The following STK11IP variants were observed in gnomAD, a reference collection of about 807,000 sequenced individuals.
STK11IP encodes serine/threonine kinase 11 interacting protein.
In STK11IP, 103 loss-of-function variants were observed where a neutral mutation model predicts 131.7. The ratio of observed to expected loss-of-function variants is 0.78; its 90% CI spans 0.67 to 0.92. The LOEUF is 0.92. Ranked by LOEUF, STK11IP falls within the 40% of genes least tolerant of loss-of-function variation. The probability of loss-of-function intolerance (pLI) is 0.00; values close to 1 mark genes in which losing one functional copy is unlikely to be tolerated. For synonymous variants in STK11IP, 557 were observed against 575.6 expected (o/e 0.97, Z 0.46); for missense variants, 1,315 against 1,385.7 (o/e 0.95, Z 0.81).
At chr2:219,614,273 G>C (rs751314279) in intron 22 of STK11IP, 31 bp downstream of exon 22, 2 of 1,609,550 alleles carry the variant, frequency 1.2e-6, no homozygotes, top group Non-Finnish European at 1.7e-6. Flanking sequence ...GGCTGGGGTT[G>C]CTGCCCAATC....
chr2:219,614,353 A>G (rs1698504594), intron 22 of STK11IP, 111 bp downstream of exon 22: 2 of 1,510,102 alleles, frequency 1.3e-6, no homozygotes, highest in East Asian at 2.3e-5. Flanking sequence ...TCCTCATGCC[A>G]TGCCCCTTAT....
chr2:219,603,204 G>C (rs977137344), intron 7 of STK11IP, among the ~76,000 whole-genome samples: 2 of 152,000 alleles, frequency 1.3e-5, no homozygotes, highest in Non-Finnish European at 2.9e-5. Context: ...AACACACCTG[G>C]CTAATTTTTG....
chr2:219,614,011 A>G (rs1698495366), intron 21 of STK11IP, 81 bp downstream of exon 21: 4 of 1,500,592 alleles, frequency 2.7e-6, no homozygotes, highest in Middle Eastern at 1.8e-4. Flanking sequence ...CCTGGTACCC[A>G]GTAGCGGAGA....
rs768132936 is a variant in STK11IP at position 219,614,663 on chromosome 2, C to G, written c.2869+117C>G. ...TGCAGCAACTGTCAGTTCCTGGAAC[C>G]TGGAGAACCTCTCACTTGAGGGCAT... On this transcript the variant is annotated intron_variant, in intron 23 of 24. Coordinates refer to ENST00000456909, the MANE Select transcript of STK11IP (RefSeq NM_052902.4). The G allele has an allele frequency of 7.6e-6, 8 of 1,046,514 alleles. No individual in the cohort carries two copies. In the East Asian group the frequency reaches 1.8e-4, roughly 23 times the overall value. 64.8% of individuals were successfully genotyped at this position (1,046,514 alleles called of 1,614,324 possible).
At chr2:219,603,491 G>A (rs369251477) in intron 7 of STK11IP, among the ~76,000 whole-genome samples, 3 of 151,810 alleles carry the variant, frequency 2.0e-5, no homozygotes, top group Admixed American at 6.6e-5. Flanking sequence ...AGATAAAGCC[G>A]AACTAGTTAA....
chr2:219,601,927 G>A (rs1020096370), intron 4 of STK11IP, 61 bp from the exon 5 acceptor site: 4 of 1,448,814 alleles, frequency 2.8e-6, no homozygotes, highest in Admixed American at 3.8e-5. Context: ...CTAGGGGATG[G>A]GGATGAGGTC....
chr2:219,611,842 T>C lies in STK11IP; in HGVS notation c.2335+8T>C. 3 of 1,607,546 alleles carry C rather than the reference T, an allele frequency of 1.9e-6. No homozygotes were observed. The highest frequency in any genetic ancestry group is 2.5e-6 in the Non-Finnish European group (3 of 1,177,220). On this transcript the variant is annotated splice_region_variant and intron_variant, in intron 18 of 24. Transcript: ENST00000456909. Reference sequence around the variant, plus strand: ...GTTGGAGCCTCAGTCCCCGTGAGTATAGGCAAAACAAGACATAGATGAGTT... The same window carrying C: ...GTTGGAGCCTCAGTCCCCGTGAGTACAGGCAAAACAAGACATAGATGAGTT...
At chr2:219,615,369 G>A (rs755672205) in intron 24 of STK11IP, 28 bp downstream of exon 24, 40 of 1,581,308 alleles carry the variant, frequency 2.5e-5, no homozygotes, top group Non-Finnish European at 3.3e-5. Flanking sequence ...CAGTGAGAGG[G>A]AGGGAGGGGA....
At chr2:219,598,469 C>T (rs904283654) in intron 2 of STK11IP, 1 of 356,146 alleles carries the variant, frequency 2.8e-6, no homozygotes, top group African/African-American at 2.1e-5. Flanking sequence ...CCCCTCAGGA[C>T]CAGGGACTGA....
chr2:219,608,283 AT>A lies in STK11IP; in HGVS notation c.1457del (p.Met486SerfsTer105). The A allele has an allele frequency of 6.2e-7, 1 of 1,612,962 alleles. No individual in the cohort carries two copies. Among genetic ancestry groups the A allele is most frequent in the Non-Finnish European group, 8.5e-7 (1 of 1,179,624 alleles). On this transcript the variant is annotated frameshift_variant, in exon 14 of 25. Coordinates refer to ENST00000456909, the MANE Select transcript of STK11IP (RefSeq NM_052902.4). LOFTEE classifies it high-confidence loss of function. ...AGGCCCCCAGGAGTCACCACAGAAA[AT>A]GTCAGAGGAGGTCAGGGCGGAGCCA... is the stretch of plus-strand genomic sequence containing the variant. ...ARGPQESPQK[M>X]SEEVRAEPQE...
intron 8 of STK11IP, 94 bp from the exon 9 acceptor site, chr2:219,605,862 G>A (rs1051204200): frequency 1.8e-5 from 27 of 1,479,586 alleles, no homozygotes; most frequent in African/African-American, 1.4e-4. Flanking sequence ...TGCTCTGGCC[G>A]GTCTTTCTGC....
Position 219,615,941 on chromosome 2 carries a change from C to T in STK11IP, c.3118-103C>T, listed in dbSNP as rs1698556427. On this transcript the variant is annotated intron_variant, in intron 24 of 24. Transcript: ENST00000456909. ...ATGGGCCTGGGGAAGGGGAGAGGCACTGAGCCAAGGTGGAGACAGTGAGGC... is the reference window on the plus strand; with the variant it reads ...ATGGGCCTGGGGAAGGGGAGAGGCATTGAGCCAAGGTGGAGACAGTGAGGC... 3.4e-6 allele frequency: 5 copies of T among 1,481,106 alleles called. No homozygotes were observed. The East Asian group carries it at 1.2e-4, about 35-fold the overall frequency. 91.7% of individuals were successfully genotyped at this position (1,481,106 alleles called of 1,614,324 possible).
At chr2:219,601,119 A>C (rs1302568989) in intron 2 of STK11IP, 116 bp from the exon 3 acceptor site, 1 of 770,982 alleles carries the variant, frequency 1.3e-6, no homozygotes, top group Non-Finnish European at 2.1e-6. Flanking sequence ...TTGATCCTGC[A>C]ATAGAAGATC....
At chr2:219,602,223 C>T (rs766208716) in intron 5 of STK11IP, 140 bp downstream of exon 5, 18 of 689,146 alleles carry the variant, frequency 2.6e-5, no homozygotes, top group African/African-American at 2.1e-4. Context: ...TCTGTGTTCC[C>T]GCAGCACTCT....
chr2:219,612,977 G>A, intron 19 of STK11IP, 151 bp from the exon 20 acceptor site: 1 of 620,444 alleles, frequency 1.6e-6, no homozygotes, highest in Non-Finnish European at 2.9e-6. Flanking sequence ...TGGATGAAGA[G>A]GCTGTCGAGT....
At chr2:219,612,135 A>C (rs958638022) in intron 19 of STK11IP, 77 bp downstream of exon 19, 13 of 1,361,988 alleles carry the variant, frequency 9.5e-6, no homozygotes, top group Non-Finnish European at 7.1e-6. Flanking sequence ...CAACTGAGTC[A>C]GATCAAGCAC....
rs145646127 is a variant in STK11IP, at chr2:219,609,258, G to C, written c.1926+45G>C. 2.6e-5 allele frequency: 41 copies of C among 1,575,372 alleles called. No individual in the cohort carries two copies. In the East Asian group the frequency reaches 8.6e-4, roughly 33 times the overall value. On this transcript the variant is annotated intron_variant, in intron 16 of 24. Transcript: ENST00000456909. ...GGGCCCAGGAGGCTGTGGGGATTAA[G>C]AGAGCCAGAGGGAAGTGGCAGCAGG... is the stretch of plus-strand genomic sequence containing the variant.
At position 219,611,721 on chromosome 2, in the gene STK11IP, C is replaced by T. The variant is rs627530; in HGVS notation, c.2222C>T (p.Ser741Phe). The T allele has an allele frequency of 0.95, 1,534,425 of 1,612,928 alleles. 737,501 individuals are homozygous for T. Among genetic ancestry groups the T allele is most frequent in the East Asian group, 1 (44,749 of 44,854 alleles). The change falls in exon 18 of 25, where the codon TCT becomes TTT. Residue 741 changes from serine (S) to phenylalanine (F), a missense_variant. By Grantham distance (155) the Ser-to-Phe change is radical. Coordinates refer to ENST00000456909, the MANE Select transcript of STK11IP (RefSeq NM_052902.4). ...QGEQSLAPSP[S>F]ASPVCHPPGH... is the part of the protein sequence containing the mutation. ...GAGCAGTCTCTGGCTCCTTCTCCGTCTGCCAGCCCTGTCTGCCACCCTCCT... is the reference window on the plus strand; with the variant it reads ...GAGCAGTCTCTGGCTCCTTCTCCGTTTGCCAGCCCTGTCTGCCACCCTCCT...
At chr2:219,610,074 C>T (rs1031725677) in intron 17 of STK11IP, 1 of 158,902 alleles carries the variant, frequency 6.3e-6, no homozygotes, top group South Asian at 1.8e-4. Context: ...GTAGACCAGT[C>T]AGCACTATCT....
Sources: gnomAD v4.1 joint callset for allele counts (sites outside exome capture counted in the v4.1 genomes callset) on GRCh38, gnomAD v4.1.1 for gene constraint, MANE v1.5 for transcripts, NCBI Gene and HGNC (gene_info 2026-07-23, HGNC 2026-07-21) for gene names.